PKN2: variants seen among roughly 807,000 people sequenced by gnomAD.
PKN2 encodes protein kinase N2.
In PKN2, 38 loss-of-function variants were observed where a neutral mutation model predicts 119.1. The ratio of observed to expected loss-of-function variants is 0.32; its 90% CI spans 0.25 to 0.42. The LOEUF (loss-of-function observed/expected upper bound fraction) is 0.42. Among genes scored for constraint, PKN2 ranks in the 10% least tolerant of loss-of-function variants. PKN2 has a pLI of 1.00. For synonymous variants in PKN2, 390 were observed against 384.9 expected (o/e 1.01, Z -0.15); for missense variants, 850 against 1,165.1 (o/e 0.73, Z 3.94).
At chr1:88,695,436 T>G (rs1037757420) in intron 1 of PKN2, among the ~76,000 whole-genome samples, 3 of 152,152 alleles carry the variant, frequency 2.0e-5, no homozygotes, top group Non-Finnish European at 4.4e-5. Context: ...TGTGGTTCTT[T>G]TGTTTTTTTA....
At chr1:88,723,491 G>A (rs1211461785) in intron 1 of PKN2, among the ~76,000 whole-genome samples, 3 of 147,232 alleles carry the variant, frequency 2.0e-5, no homozygotes, top group Non-Finnish European at 1.5e-5. Flanking sequence ...GCGCGGTCTC[G>A]GCTCACTGCA....
intron 15 of PKN2, among the ~76,000 whole-genome samples, chr1:88,810,030 T>G (rs191872395): frequency 6.5e-4 from 98 of 151,882 alleles, no homozygotes; most frequent in Non-Finnish European, 1.2e-3. Context: ...TTAGAGAAAT[T>G]TGAGGAATGA....
intron 8 of PKN2, among the ~76,000 whole-genome samples, chr1:88,800,270 T>A (rs1326728967): frequency 1.3e-5 from 2 of 152,180 alleles, no homozygotes; most frequent in African/African-American, 4.8e-5. Flanking sequence ...TAGTTAGTAT[T>A]TTAAGTCTTA....
At chr1:88,813,043 A>G (rs897353863) in intron 15 of PKN2, among the ~76,000 whole-genome samples, 2 of 152,188 alleles carry the variant, frequency 1.3e-5, no homozygotes, top group African/African-American at 4.8e-5. Context: ...TTTGTCAGGT[A>G]TCCTCTTTAT....
chr1:88,819,709 G>A (rs923920888), intron 16 of PKN2, among the ~76,000 whole-genome samples: 20 of 152,228 alleles, frequency 1.3e-4, no homozygotes, highest in Admixed American at 4.6e-4. Context: ...ACATGCACAC[G>A]TATGTTTATT....
chr1:88,745,685 A>G (rs1160582745), intron 2 of PKN2, among the ~76,000 whole-genome samples: 5 of 152,156 alleles, frequency 3.3e-5, no homozygotes, highest in African/African-American at 1.2e-4. Flanking sequence ...TACAGATTCA[A>G]GGTAATTCGT....
At chr1:88,795,998 T>C (rs1217530610) in intron 8 of PKN2, among the ~76,000 whole-genome samples, 1 of 152,178 alleles carries the variant, frequency 6.6e-6, no homozygotes, top group Non-Finnish European at 1.5e-5. Context: ...AACTACTAAG[T>C]GGTGTGGGAT....
At position 88,828,533 on chromosome 1, in the gene PKN2, T is replaced by C; in HGVS notation, c.2472T>C (p.Leu824=). The part of the protein sequence containing the change: ...TSTFCGTPEF[L]APEVLTETSY... ...CATTTTGTGGCACTCCTGAATTTCT[T>C]GCCCCAGAAGTATTAACAGAAACTT... The change falls in exon 19 of 22, where the codon CTT becomes CTC. Residue 824 remains leucine, a synonymous_variant. Transcript: ENST00000370521. 1 of 1,613,010 alleles carries C rather than the reference T, an allele frequency of 6.2e-7. No individual in the cohort carries two copies.
chr1:88,743,204 T>C (rs1172988439), intron 2 of PKN2, among the ~76,000 whole-genome samples: 2 of 152,114 alleles, frequency 1.3e-5, no homozygotes, highest in Admixed American at 6.6e-5. Context: ...ATAAAAGGTT[T>C]ATTGAAGTAT....
At chr1:88,778,200 A>G (rs1004161392) in intron 6 of PKN2, among the ~76,000 whole-genome samples, 7 of 152,262 alleles carry the variant, frequency 4.6e-5, no homozygotes, top group African/African-American at 1.4e-4. Flanking sequence ...ACGTGTTGTC[A>G]GGACCTCCTG....
chr1:88,722,768 G>A (rs572751506), intron 1 of PKN2, among the ~76,000 whole-genome samples: 2 of 150,556 alleles, frequency 1.3e-5, no homozygotes, highest in African/African-American at 2.4e-5. Flanking sequence ...GGGTGACAGT[G>A]CAAGACCCTG....
intron 1 of PKN2, among the ~76,000 whole-genome samples, chr1:88,726,429 A>G (rs1401091190): frequency 6.6e-6 from 1 of 152,132 alleles, no homozygotes; most frequent in Non-Finnish European, 1.5e-5. Context: ...TGGCGTGATC[A>G]TGTGATTTTT....
chr1:88,775,995 C>T (rs1022131726), intron 6 of PKN2, among the ~76,000 whole-genome samples: 22 of 151,710 alleles, frequency 1.5e-4, no homozygotes, highest in African/African-American at 5.1e-4. Context: ...GTAGTCCCAG[C>T]TACTCAGGAG....
intron 3 of PKN2, among the ~76,000 whole-genome samples, chr1:88,761,793 T>C (rs1254012608): frequency 6.6e-6 from 1 of 152,220 alleles, no homozygotes; most frequent in Non-Finnish European, 1.5e-5. Context: ...TGATATTTGA[T>C]AGGATATTAT....
intron 8 of PKN2, among the ~76,000 whole-genome samples, chr1:88,792,593 A>G (rs1670890131): frequency 6.6e-6 from 1 of 152,186 alleles, no homozygotes; most frequent in Non-Finnish European, 1.5e-5. Context: ...CTTAAATACT[A>G]ATAGTCTACT....
intron 3 of PKN2, among the ~76,000 whole-genome samples, chr1:88,762,402 G>A (rs1669483396): frequency 6.6e-6 from 1 of 152,112 alleles, no homozygotes; most frequent in Non-Finnish European, 1.5e-5. Flanking sequence ...AGATAGGCCT[G>A]CCAGTTATTT....
At chr1:88,718,107 C>T in intron 1 of PKN2, among the ~76,000 whole-genome samples, 1 of 152,186 alleles carries the variant, frequency 6.6e-6, no homozygotes, top group East Asian at 1.9e-4. Flanking sequence ...ACCCTGTTTG[C>T]CTGGGTATCA....
In PKN2 at chr1:88,760,261, G is replaced by A. The variant is rs749956821; in HGVS notation, c.389G>A (p.Arg130His). 1.3e-5 allele frequency: 20 copies of A among 1,578,596 alleles called. No homozygotes were observed. Among genetic ancestry groups the A allele is most frequent in the African/African-American group, 8.2e-5 (6 of 73,406 alleles). ...CCAGATACTCCAAATAATGACCCTC[G>A]TTGTTCTACTAGCAACAATAGATTG... Reference protein sequence around the residue: ...RTPDTPNNDPRCSTSNNRLKA... With the variant: ...RTPDTPNNDPHCSTSNNRLKA... The change falls in exon 3 of 22, where the codon CGT becomes CAT. Residue 130 changes from arginine to histidine, a missense_variant. Transcript: ENST00000370521.
At chr1:88,782,769 G>A (rs1670399203) in intron 6 of PKN2, among the ~76,000 whole-genome samples, 1 of 152,068 alleles carries the variant, frequency 6.6e-6, no homozygotes. Context: ...ATTTATGTCA[G>A]TTAAGCCACT....
Sources: allele counts gnomAD v4.1 joint callset (sites outside exome capture counted in the v4.1 genomes callset), GRCh38; gene constraint gnomAD v4.1.1; transcripts MANE v1.5; gene names NCBI Gene and HGNC (gene_info 2026-07-23, HGNC 2026-07-21).